NKPD1: variants seen among roughly 807,000 people sequenced by gnomAD.
NKPD1 encodes NTPase KAP family P-loop domain containing 1, also known as NTPase KAP family P-loop domain-containing protein 1.
NKPD1 carries 37 observed loss-of-function variants against 42.2 expected under a neutral mutation model. The observed-to-expected ratio is 0.88, with a 90% CI of 0.67 to 1.15. The LOEUF is 1.15. Ranked by LOEUF, NKPD1 falls within the 50% of genes most tolerant of loss-of-function variation. The pLI, the probability that NKPD1 is intolerant of heterozygous loss-of-function variation, is 0.00. For missense variants in NKPD1, 1,113 were observed against 1,174.6 expected, an observed-to-expected ratio of 0.95 and a Z score of 0.77; for synonymous variants, 552 against 536.5, an observed-to-expected ratio of 1.03 and a Z score of -0.40.
Position 45,155,781 on chromosome 19 carries a change from T to C in NKPD1, c.661+4A>G. On this transcript the variant is annotated splice_donor_region_variant and intron_variant, in intron 4 of 4. Transcript: ENST00000686631. ...CCCCCCAACAAACACACACAGCTCCTCACCCGTGATCTTGTCCAGCATCAT... is the reference window on the plus strand; with the variant it reads ...CCCCCCAACAAACACACACAGCTCCCCACCCGTGATCTTGTCCAGCATCAT... 1.5e-6 allele frequency: 2 copies of C among 1,301,256 alleles called. No individual in the cohort carries two copies. The highest frequency in any genetic ancestry group is 2.0e-6 in the Non-Finnish European group (2 of 985,572). The allele number at this position is 1,301,256 out of a possible 1,614,324, so 80.6% of individuals were successfully genotyped here. A position where few individuals can be genotyped will look rare whatever the true frequency, so the allele number is the denominator to read the frequency against.
Position 45,153,708 on chromosome 19 carries a change from AC to A in NKPD1, c.728del (p.Arg243LeufsTer3). On this transcript the variant is annotated frameshift_variant, in exon 5 of 5. Coordinates refer to ENST00000686631, the MANE Select transcript of NKPD1 (RefSeq NM_198478.4). LOFTEE classifies it high-confidence loss of function. Reference sequence around the variant, plus strand: ...GCGGGACGCCCCAGCCGCTCACGGCACGCGGCCGCCACTGCACGTGCTGCAG... The same window carrying A: ...GCGGGACGCCCCAGCCGCTCACGGCAGCGGCCGCCACTGCACGTGCTGCAG... ...EELQHVQWRP[R>X]AVSGWGVPQL... The A allele has an allele frequency of 1.3e-6, 2 of 1,536,624 alleles. No homozygotes were observed. Among genetic ancestry groups the A allele is most frequent in the Non-Finnish European group, 1.8e-6 (2 of 1,137,502 alleles).
intron 4 of NKPD1, 149 bp downstream of exon 4, chr19:45,155,636 G>T: frequency 1.4e-6 from 1 of 708,640 alleles, no homozygotes; most frequent in Non-Finnish European, 2.0e-6. Flanking sequence ...GAGAAGCAGA[G>T]CCCGGGGTAG....
chr19:45,160,227 G>T lies in NKPD1; in HGVS notation c.-71-6C>A. 1 of 869,236 alleles carries T rather than the reference G, an allele frequency of 1.2e-6. No individual in the cohort carries two copies. Among genetic ancestry groups the T allele is most frequent in the Non-Finnish European group, 1.7e-6 (1 of 604,318 alleles). 53.8% of individuals were successfully genotyped at this position (869,236 alleles called of 1,614,324 possible). A position where few individuals can be genotyped will look rare whatever the true frequency, so the allele number is the denominator to read the frequency against. The stretch of plus-strand genomic sequence containing the variant: ...ACACAGGCTTGGCGTAGCCTCTGGG[G>T]CACGAACAGCAGAGAGCTGAGGTCA... On this transcript the variant is annotated splice_region_variant and splice_polypyrimidine_tract_variant and intron_variant, in intron 1 of 4. Coordinates refer to ENST00000686631, the MANE Select transcript of NKPD1 (RefSeq NM_198478.4).
rs956929821 is a variant in NKPD1 at position 45,160,921 on chromosome 19, G to A, written c.-72+4C>T. Among the ~76,000 whole-genome samples, 1 of 152,042 alleles carries A rather than the reference G, an allele frequency of 6.6e-6. No individual in the cohort carries two copies. Among genetic ancestry groups the A allele is most frequent in the East Asian group, 1.9e-4 (1 of 5,176 alleles). On this transcript the variant is annotated splice_donor_region_variant and intron_variant, in intron 1 of 4. Transcript: ENST00000686631. ...CCCACCCCCAGTCCCAGTCCCACTC[G>A]TACCTGACGGTGGCCTCACGGCCCC...
At chr19:45,160,544 A>G (rs1968986151) in intron 1 of NKPD1, among the ~76,000 whole-genome samples, 1 of 151,918 alleles carries the variant, frequency 6.6e-6, no homozygotes, top group Admixed American at 6.6e-5. Flanking sequence ...CTGAGTGACC[A>G]AGGGGTCATT....
intron 3 of NKPD1, among the ~76,000 whole-genome samples, chr19:45,156,193 G>A (rs1436251057): frequency 6.6e-6 from 1 of 152,184 alleles, no homozygotes; most frequent in Admixed American, 6.5e-5. Flanking sequence ...AGCTTTCCTG[G>A]CCCTAGGTCA....
At chr19:45,155,423 G>A (rs953744396) in intron 4 of NKPD1, among the ~76,000 whole-genome samples, 1 of 152,228 alleles carries the variant, frequency 6.6e-6, no homozygotes, top group Middle Eastern at 3.2e-3. Flanking sequence ...GGTGGGTCTG[G>A]GTGGCACAGA....
At chr19:45,155,670 G>A (rs1968887990) in intron 4 of NKPD1, 115 bp downstream of exon 4, 1 of 1,078,246 alleles carries the variant, frequency 9.3e-7, no homozygotes, top group Non-Finnish European at 1.2e-6. Context: ...GGGAGGGCCT[G>A]GGCTGGGGCA....
chr19:45,154,162 G>A (rs1968858725), intron 4 of NKPD1, among the ~76,000 whole-genome samples: 1 of 152,226 alleles, frequency 6.6e-6, no homozygotes. Context: ...GGGACAAGTG[G>A]TCGGTGTAAG....
chr19:45,156,313 G>A (rs771913376), intron 3 of NKPD1, among the ~76,000 whole-genome samples: 6 of 152,210 alleles, frequency 3.9e-5, no homozygotes, highest in Non-Finnish European at 7.3e-5. Flanking sequence ...ACCATCAGCA[G>A]GACTCCAGGC....
At position 45,152,224 on chromosome 19, in the gene NKPD1, C is replaced by G. The variant is rs1225318802; in HGVS notation, c.2213G>C (p.Ser738Thr). Reference protein sequence around the residue: ...DFPFTVAEAQSLLRCTVNLDH... With the variant: ...DFPFTVAEAQTLLRCTVNLDH... ...CAGGTTGACCGTGCAGCGCAGCAGG[C>G]TCTGCGCCTCGGCCACGGTGAAGGG... The change falls in exon 5 of 5, where the codon AGC becomes ACC. Residue 738 changes from serine to threonine, a missense_variant. Coordinates refer to ENST00000686631, the MANE Select transcript of NKPD1 (RefSeq NM_198478.4). 4.4e-6 allele frequency: 7 copies of G among 1,603,380 alleles called. No individual in the cohort carries two copies. In the South Asian group the frequency reaches 7.8e-5, roughly 18 times the overall value.
rs1454029727 is a variant in NKPD1, at chr19:45,152,835, G to A, written c.1602C>T (p.Arg534=). 6.3e-7 allele frequency: 1 copy of A among 1,595,168 alleles called. No individual in the cohort carries two copies. Among genetic ancestry groups the A allele is most frequent in the Non-Finnish European group, 8.6e-7 (1 of 1,168,324 alleles). The change falls in exon 5 of 5, where the codon CGC becomes CGT. Residue 534 remains arginine (R), a synonymous_variant. Coordinates refer to ENST00000686631, the MANE Select transcript of NKPD1 (RefSeq NM_198478.4). ...TLPFSVPIMG[R]RTKLQFLHDA... The stretch of plus-strand genomic sequence containing the variant: ...CGTGCAGGAACTGCAGCTTGGTGCG[G>A]CGGCCCATAATGGGCACAGAGAAGG...
chr19:45,152,691 C>G lies in NKPD1; in HGVS notation c.1746G>C (p.Thr582=), dbSNP rs1168213841. 2 of 1,537,696 alleles carry G rather than the reference C, an allele frequency of 1.3e-6. No homozygotes were observed. Among genetic ancestry groups the G allele is most frequent in the South Asian group, 1.2e-5 (1 of 84,206 alleles). ...QLLAVQAQAG[T]ERGQGRIDDE... ...CGTCGATGCGGCCCTGCCCGCGCTC[C>G]GTCCCCGCCTGCGCCTGCACCGCCA... is the stretch of plus-strand genomic sequence containing the variant. The change falls in exon 5 of 5, where the codon ACG becomes ACC. Residue 582 remains threonine (T), a synonymous_variant. Transcript: ENST00000686631.
chr19:45,151,177 G>A lies in NKPD1; in HGVS notation c.*761C>T, dbSNP rs2099612638. ...TGCCCAACTTCCCTGTCCTCATCAG[G>A]GGGCTGATGCAGTGGCTTCAGTGTC... On this transcript the variant is annotated 3_prime_UTR_variant, in exon 5 of 5. Transcript: ENST00000686631. The A allele has an allele frequency of 6.6e-6, 1 of 152,530 alleles. No homozygotes were observed. Among genetic ancestry groups the A allele is most frequent in the East Asian group, 1.9e-4 (1 of 5,178 alleles). 9.4% of individuals were successfully genotyped at this position (152,530 alleles called of 1,614,324 possible).
rs1020692118 is a variant in NKPD1 at position 45,155,821 on chromosome 19, C to T, written c.625G>A (p.Gly209Ser). The part of the protein sequence containing the change: ...PVTVGFYAPF[G>S]CRLHMMLDKI... ...TCCAGCATCATGTGCAGGCGGCAGC[C>T]GAAAGGGGCATAGAAACCCACGGTC... Residue 209 changes from glycine (G) to serine (S), a missense_variant, in exon 4 of 5, where the codon GGC (glycine) becomes AGC (serine). Physicochemically the swap from Gly to Ser is moderately conservative, Grantham distance 56. Transcript: ENST00000686631. 21 of 1,305,204 alleles carry T rather than the reference C, an allele frequency of 1.6e-5. No homozygotes were observed. Among genetic ancestry groups the T allele is most frequent in the Middle Eastern group, 2.1e-4 (1 of 4,716 alleles). The allele number at this position is 1,305,204 out of a possible 1,614,324, so 80.9% of individuals were successfully genotyped here.
In NKPD1 at chr19:45,158,795, C is replaced by A; in HGVS notation, c.397G>T (p.Ala133Ser). The change falls in exon 3 of 5, where the codon GCA becomes TCA. Residue 133 changes from alanine (A) to serine (S), a missense_variant. Ala to Ser is a moderately conservative substitution (Grantham distance 99). Transcript: ENST00000686631. This position sits in a 1 kb window ranked among gnomAD's most constrained non-coding sequence, Gnocchi z 4.6. Reference protein sequence around the residue: ...APQAPTLPTTAPAMARSGPAL... With the variant: ...APQAPTLPTTSPAMARSGPAL... ...GGGCCACTCCTGGCCATGGCTGGTG[C>A]CGTGGTGGGTAAGGTGGGCGCCTGA... The A allele has an allele frequency of 1.6e-6, 2 of 1,258,074 alleles. No homozygotes were observed. Among genetic ancestry groups the A allele is most frequent in the Non-Finnish European group, 2.1e-6 (2 of 968,042 alleles). 77.9% of individuals were successfully genotyped at this position (1,258,074 alleles called of 1,614,324 possible).
In NKPD1 at chr19:45,153,076, A is replaced by G; in HGVS notation, c.1361T>C (p.Val454Ala). Reference sequence around the variant, plus strand: ...GTCCAGCCCGGTGACCTCCAGCACCACGCGCAGCCTGCGCCGCTGGTAGAT... The same window carrying G: ...GTCCAGCCCGGTGACCTCCAGCACCGCGCGCAGCCTGCGCCGCTGGTAGAT... The part of the protein sequence containing the change: ...LEIYQRRRLR[V>A]VLEVTGLDTC... Residue 454 changes from valine (V) to alanine (A), a missense_variant, in exon 5 of 5, where the codon GTG becomes GCG. Transcript: ENST00000686631. 2 of 1,578,218 alleles carry G rather than the reference A, an allele frequency of 1.3e-6. No individual in the cohort carries two copies. The highest frequency in any genetic ancestry group is 1.7e-6 in the Non-Finnish European group (2 of 1,162,492).
chr19:45,161,100 C>G (rs2099343786), upstream of NKPD1, among the ~76,000 whole-genome samples: 1 of 152,212 alleles, frequency 6.6e-6, no homozygotes, highest in Non-Finnish European at 1.5e-5. Flanking sequence ...TCTCTGCTCT[C>G]GAGGACTGGG....
chr19:45,160,731 T>G (rs570677819), intron 1 of NKPD1, among the ~76,000 whole-genome samples, 194 bp downstream of exon 1: 1 of 151,704 alleles, frequency 6.6e-6, no homozygotes, highest in African/African-American at 2.4e-5. Context: ...GTGGTCCAAT[T>G]TGGGGAGAGG....
Sources: gnomAD v4.1 joint callset for allele counts (sites outside exome capture counted in the v4.1 genomes callset) on GRCh38, gnomAD v4.1.1 for gene constraint, Gnocchi (gnomAD v3.1) non-coding constraint, MANE v1.5 for transcripts, NCBI Gene and HGNC (gene_info 2026-07-23, HGNC 2026-07-21) for gene names.